The following XPR1 variants were observed in gnomAD, a reference collection of about 807,000 sequenced individuals.
The protein encoded by XPR1 is xenotropic and polytropic retrovirus receptor 1, also known as solute carrier family 53 member 1.
In XPR1, 28 loss-of-function variants were observed where a neutral mutation model predicts 87.5. That is an observed-to-expected ratio of 0.32 (90% CI 0.24 to 0.44). The LOEUF (loss-of-function observed/expected upper bound fraction) is 0.44. Ranked by LOEUF, XPR1 falls within the 20% of genes least tolerant of loss-of-function variation. The probability of loss-of-function intolerance (pLI) is 1.00; values close to 1 mark genes in which losing one functional copy is unlikely to be tolerated. For missense variants in XPR1, 559 were observed against 862.3 expected (o/e 0.65, Z 4.41); for synonymous variants, 300 against 306.1 (o/e 0.98, Z 0.21).
chr1:180,706,080 G>GT (rs1470525588), intron 2 of XPR1, among the ~76,000 whole-genome samples: 1 of 152,186 alleles, frequency 6.6e-6, no homozygotes, highest in African/African-American at 2.4e-5. Context: ...AGCATGGAGG[G>GT]TTATCACTGG....
At chr1:180,669,708 C>T (rs1488753614) in intron 1 of XPR1, among the ~76,000 whole-genome samples, 2 of 152,098 alleles carry the variant, frequency 1.3e-5, no homozygotes, top group African/African-American at 2.4e-5. Context: ...TTCCAAGACC[C>T]CCAGTGGATA....
rs894730052 is a variant in XPR1 at position 180,810,791 on chromosome 1, GTATATATGTATATATGTGTA to G, written c.682-600_682-581del. Among the ~76,000 whole-genome samples the G allele has an allele frequency of 3.6e-3, 546 of 151,266 alleles. 3 individuals carry two copies. Among genetic ancestry groups the G allele is most frequent in the Non-Finnish European group, 3.6e-3 (242 of 67,820 alleles). On this transcript the variant is annotated intron_variant, in intron 6 of 14. Coordinates refer to ENST00000367590, the MANE Select transcript of XPR1 (RefSeq NM_004736.4). ...AAAACTCATATGTATATATATATGT[GTATATATGTATATATGTGTA>G]TATATATGTATATATATGTGTGTAT...
chr1:180,840,229 C>CAA (rs5779073), intron 11 of XPR1, among the ~76,000 whole-genome samples: 4 of 66,788 alleles, frequency 6.0e-5, no homozygotes, highest in Admixed American at 1.6e-4. Context: ...GACTCTGTCT[C>CAA]AAAAAAAAAA....
intron 2 of XPR1, among the ~76,000 whole-genome samples, chr1:180,765,711 T>A (rs923680605): frequency 2.0e-5 from 3 of 152,240 alleles, no homozygotes; most frequent in Admixed American, 6.5e-5. Context: ...GTATTGTTTT[T>A]AAATTTGTAT....
chr1:180,740,799 C>T (rs916699360), intron 2 of XPR1, among the ~76,000 whole-genome samples: 1 of 152,084 alleles, frequency 6.6e-6, no homozygotes, highest in Admixed American at 6.6e-5. Context: ...TCTTAGCACT[C>T]GAGGCTGGGA....
At chr1:180,855,554 A>G (rs1324314286) in intron 11 of XPR1, among the ~76,000 whole-genome samples, 2 of 150,886 alleles carry the variant, frequency 1.3e-5, no homozygotes, top group African/African-American at 2.4e-5. Context: ...AGTCCCAGCT[A>G]TTTGGGAGGC....
At chr1:180,768,970 A>G (rs1648394951) in intron 2 of XPR1, among the ~76,000 whole-genome samples, 2 of 152,242 alleles carry the variant, frequency 1.3e-5, no homozygotes, top group South Asian at 4.1e-4. Flanking sequence ...TCAAAAGAAA[A>G]AAGTAGGTCA....
At chr1:180,632,333 C>A in intron 1 of XPR1, 63 bp downstream of exon 1, 1 of 1,553,056 alleles carries the variant, frequency 6.4e-7, no homozygotes, top group Non-Finnish European at 8.8e-7. Context: ...GTCCTGACGT[C>A]CACCGCCGCC....
intron 2 of XPR1, among the ~76,000 whole-genome samples, chr1:180,760,723 C>A (rs1457843841): frequency 6.6e-6 from 1 of 152,158 alleles, no homozygotes; most frequent in Non-Finnish European, 1.5e-5. Context: ...CCATCACCAT[C>A]AAGCTACCAA....
chr1:180,682,826 G>T (rs893251404), intron 2 of XPR1, among the ~76,000 whole-genome samples: 13 of 151,702 alleles, frequency 8.6e-5, no homozygotes, highest in African/African-American at 3.2e-4. Flanking sequence ...GGATGTGTGT[G>T]TGTGTGCGTG....
intron 11 of XPR1, among the ~76,000 whole-genome samples, chr1:180,848,572 A>G: frequency 6.6e-6 from 1 of 152,156 alleles, no homozygotes; most frequent in East Asian, 1.9e-4. Flanking sequence ...GTGGTTGGAC[A>G]CTTATGTTGA....
chr1:180,733,954 G>A (rs1557980383), intron 2 of XPR1, among the ~76,000 whole-genome samples: 2 of 152,032 alleles, frequency 1.3e-5, no homozygotes, highest in East Asian at 1.9e-4. Flanking sequence ...TTTAATTTTC[G>A]TAACAATCCT....
intron 7 of XPR1, among the ~76,000 whole-genome samples, chr1:180,814,867 G>A (rs1219711038): frequency 6.6e-6 from 1 of 152,144 alleles, no homozygotes; most frequent in Non-Finnish European, 1.5e-5. Flanking sequence ...GAAGGAGACA[G>A]TTGAGCAAAG....
intron 11 of XPR1, among the ~76,000 whole-genome samples, chr1:180,857,772 G>C (rs1652083064): frequency 6.6e-6 from 1 of 151,982 alleles, no homozygotes; most frequent in Non-Finnish European, 1.5e-5. Flanking sequence ...TTCAGTATTT[G>C]TTTGCTGAAT....
At chr1:180,682,739 C>G (rs565049122) in intron 2 of XPR1, among the ~76,000 whole-genome samples, 1 of 151,900 alleles carries the variant, frequency 6.6e-6, no homozygotes, top group African/African-American at 2.4e-5. Flanking sequence ...CCATAAATTA[C>G]ACAACATAGC....
intron 13 of XPR1, among the ~76,000 whole-genome samples, chr1:180,876,850 C>T (rs530322001): frequency 1.1e-4 from 16 of 152,272 alleles, no homozygotes; most frequent in African/African-American, 3.9e-4. Flanking sequence ...GTCTGCTGTT[C>T]CCACTTTTAT....
At chr1:180,772,073 G>A (rs1648536071) in intron 2 of XPR1, among the ~76,000 whole-genome samples, 1 of 151,770 alleles carries the variant, frequency 6.6e-6, no homozygotes, top group Non-Finnish European at 1.5e-5. Flanking sequence ...ATAAGGAAGA[G>A]CTGTTCTTTC....
chr1:180,729,931 T>TG (rs1271780472), intron 2 of XPR1, among the ~76,000 whole-genome samples: 1 of 152,224 alleles, frequency 6.6e-6, no homozygotes, highest in Non-Finnish European at 1.5e-5. Flanking sequence ...TTGTTGCAAT[T>TG]GCTTTTGGCA....
At chr1:180,641,852 C>T (rs1654971785) in intron 1 of XPR1, among the ~76,000 whole-genome samples, 1 of 152,172 alleles carries the variant, frequency 6.6e-6, no homozygotes, top group South Asian at 2.1e-4. Flanking sequence ...CTTCTGCTTA[C>T]TGCTGTATCT....
Sources: allele counts gnomAD v4.1 joint callset (sites outside exome capture counted in the v4.1 genomes callset), GRCh38; gene constraint gnomAD v4.1.1; transcripts MANE v1.5; gene names NCBI Gene and HGNC (gene_info 2026-07-23, HGNC 2026-07-21).